The following ATRNL1 variants were observed in gnomAD, a reference collection of about 807,000 sequenced individuals.
The protein encoded by ATRNL1 is attractin-like protein 1.
A neutral mutation model predicts 182.7 loss-of-function variants in ATRNL1; 95 were observed. The ratio of observed to expected loss-of-function variants is 0.52; its 90% CI spans 0.44 to 0.62. The LOEUF (loss-of-function observed/expected upper bound fraction) is 0.62, where lower values mean the gene tolerates loss of function less well. Ranked by LOEUF, ATRNL1 falls within the 20% of genes least tolerant of loss-of-function variation. The pLI, the probability that ATRNL1 is intolerant of heterozygous loss-of-function variation, is 0.00. For missense variants in ATRNL1, 1,471 were observed against 1,679.5 expected, an observed-to-expected ratio of 0.88 and a Z score of 2.17; for synonymous variants, 576 against 568.3, an observed-to-expected ratio of 1.01 and a Z score of -0.19.
At chr10:115,253,802 C>A (rs906541672) in intron 10 of ATRNL1, among the ~76,000 whole-genome samples, 1 of 152,104 alleles carries the variant, frequency 6.6e-6, no homozygotes, top group Non-Finnish European at 1.5e-5. Flanking sequence ...CCCAACCCCA[C>A]AACAGGCCCC....
chr10:115,230,337 A>G (rs1849872619), intron 9 of ATRNL1, among the ~76,000 whole-genome samples: 1 of 152,218 alleles, frequency 6.6e-6, no homozygotes, highest in African/African-American at 2.4e-5. Flanking sequence ...AGAAGACCTC[A>G]TAAGACATCT....
chr10:115,135,852 T>TC lies in ATRNL1; in HGVS notation c.829+6317_829+6318insC, dbSNP rs565470789. ...CCTACCTGGTCTTGTGTGTCATTTTTTTTTCTTTGGTTTTTCTTTTTCTTG... is the reference window on the plus strand; with the variant it reads ...CCTACCTGGTCTTGTGTGTCATTTTTCTTTTCTTTGGTTTTTCTTTTTCTTG... On this transcript the variant is annotated intron_variant, in intron 5 of 28. Transcript: ENST00000355044. 8.0e-4 allele frequency among the ~76,000 whole-genome samples: 121 copies of TC among 152,160 alleles called. 2 individuals carry two copies. In the South Asian group the frequency reaches 0.024, roughly 31 times the overall value.
At chr10:115,298,821 C>T (rs1330767450) in intron 15 of ATRNL1, among the ~76,000 whole-genome samples, 3 of 151,922 alleles carry the variant, frequency 2.0e-5, no homozygotes, top group African/African-American at 7.2e-5. Flanking sequence ...ATGTACAGTA[C>T]TTGGGCAATA....
At chr10:115,417,203 T>A (rs913512540) in intron 20 of ATRNL1, among the ~76,000 whole-genome samples, 6 of 152,278 alleles carry the variant, frequency 3.9e-5, no homozygotes, top group Middle Eastern at 3.4e-3. Context: ...AAAATCATCT[T>A]CTAAGGGGTC....
At chr10:115,549,418 A>G (rs1287098569) in intron 25 of ATRNL1, 40 bp from the exon 26 acceptor site, 2 of 1,505,346 alleles carry the variant, frequency 1.3e-6, no homozygotes, top group African/African-American at 1.4e-5. Context: ...CATAGTTCAA[A>G]TAAGTTTTGA....
intron 8 of ATRNL1, among the ~76,000 whole-genome samples, chr10:115,188,673 G>A (rs1252738241): frequency 6.6e-6 from 1 of 151,960 alleles, no homozygotes; most frequent in Non-Finnish European, 1.5e-5. Context: ...GATTTTTTCA[G>A]AAAGGTATTT....
intron 28 of ATRNL1, among the ~76,000 whole-genome samples, chr10:115,910,907 G>GT (rs1565479817): frequency 6.6e-6 from 1 of 151,992 alleles, no homozygotes; most frequent in Non-Finnish European, 1.5e-5. Flanking sequence ...CTGACATTTC[G>GT]TTTTTTGCTT....
intron 25 of ATRNL1, among the ~76,000 whole-genome samples, chr10:115,538,065 T>A (rs535681846): frequency 6.6e-6 from 1 of 152,362 alleles, no homozygotes; most frequent in African/African-American, 2.4e-5. Flanking sequence ...AGTATTTCAT[T>A]ATATGGATAT....
intron 22 of ATRNL1, among the ~76,000 whole-genome samples, chr10:115,464,829 G>A (rs1399128191): frequency 7.0e-6 from 1 of 143,248 alleles, no homozygotes; most frequent in Non-Finnish European, 1.5e-5. Context: ...TTTTGGATCC[G>A]TTTCATTAAT....
chr10:115,578,004 ACTTGATC>A (rs1854831420), intron 26 of ATRNL1, among the ~76,000 whole-genome samples: 1 of 151,686 alleles, frequency 6.6e-6, no homozygotes, highest in Non-Finnish European at 1.5e-5. Flanking sequence ...TGTATCTTTG[ACTTGATC>A]CTGTGGTTTT....
intron 26 of ATRNL1, among the ~76,000 whole-genome samples, chr10:115,680,633 A>T: frequency 6.6e-6 from 1 of 152,160 alleles, no homozygotes; most frequent in Non-Finnish European, 1.5e-5. Context: ...AGAAATCCTG[A>T]GCTTTGTAGT....
At chr10:115,902,041 T>A (rs1555113646) in intron 28 of ATRNL1, among the ~76,000 whole-genome samples, 1 of 152,204 alleles carries the variant, frequency 6.6e-6, no homozygotes, top group African/African-American at 2.4e-5. Flanking sequence ...GTTTTGGAGA[T>A]CTTTTAACTT....
At chr10:115,130,771 T>C (rs1214753941) in intron 5 of ATRNL1, among the ~76,000 whole-genome samples, 5 of 152,106 alleles carry the variant, frequency 3.3e-5, no homozygotes, top group African/African-American at 1.2e-4. Flanking sequence ...GAGACAGTGG[T>C]GTATCCATAT....
At chr10:115,639,703 C>T (rs554008789) in intron 26 of ATRNL1, among the ~76,000 whole-genome samples, 2 of 152,056 alleles carry the variant, frequency 1.3e-5, no homozygotes, top group Non-Finnish European at 2.9e-5. Flanking sequence ...ACATTCAACA[C>T]TATAAATAAA....
At chr10:115,156,994 G>A (rs528837624) in intron 5 of ATRNL1, among the ~76,000 whole-genome samples, 1 of 152,182 alleles carries the variant, frequency 6.6e-6, no homozygotes, top group East Asian at 1.9e-4. Context: ...GTTGGATAAT[G>A]TATACAAAAA....
At chr10:115,358,250 C>A (rs535894761) in intron 19 of ATRNL1, among the ~76,000 whole-genome samples, 1 of 151,650 alleles carries the variant, frequency 6.6e-6, no homozygotes, top group African/African-American at 2.4e-5. Flanking sequence ...AAAAAAGAGA[C>A]AATTTTCTTC....
intron 22 of ATRNL1, among the ~76,000 whole-genome samples, chr10:115,462,627 A>T (rs927635657): frequency 2.0e-5 from 3 of 152,092 alleles, no homozygotes; most frequent in Non-Finnish European, 4.4e-5. Flanking sequence ...TAAATAAATA[A>T]ATAAAACTAA....
In ATRNL1 at chr10:115,133,951, G is replaced by A. The variant is rs1408884381; in HGVS notation, c.829+4416G>A. On this transcript the variant is annotated intron_variant, in intron 5 of 28. Coordinates refer to ENST00000355044, the MANE Select transcript of ATRNL1 (RefSeq NM_207303.4). ...ACAACTTGCTCCTGAATGACTACTG[G>A]GTACATAACGAAATGAAGGCAGAAA... 1.9e-4 allele frequency among the ~76,000 whole-genome samples: 29 copies of A among 151,832 alleles called. 1 individual carries two copies. The highest frequency in any genetic ancestry group is 1.4e-3 in the Admixed American group (22 of 15,232).
At chr10:115,543,755 A>AT (rs201798369) in intron 25 of ATRNL1, among the ~76,000 whole-genome samples, 2,783 of 152,196 alleles carry the variant, frequency 0.018, 80 homozygotes, top group African/African-American at 0.064. Context: ...AATAAGTTCC[A>AT]TTTTTTTACA....
Sources: gnomAD v4.1 joint callset for allele counts (sites outside exome capture counted in the v4.1 genomes callset) on GRCh38, gnomAD v4.1.1 for gene constraint, MANE v1.5 for transcripts, NCBI Gene and HGNC (gene_info 2026-07-23, HGNC 2026-07-21) for gene names.